Variants in GSK3B observed in about 807,000 individuals in gnomAD.
GSK3B encodes glycogen synthase kinase 3 beta.
In GSK3B, 15 loss-of-function variants were observed where a neutral mutation model predicts 56.4. That is an observed-to-expected ratio of 0.27 (90% confidence interval 0.18 to 0.41). The LOEUF (loss-of-function observed/expected upper bound fraction) is 0.41. Ranked by LOEUF, GSK3B falls within the 10% of genes least tolerant of loss-of-function variation. The pLI is 1.00. For synonymous variants in GSK3B, 181 were observed against 188.9 expected, an observed-to-expected ratio of 0.96 and a Z score of 0.34; for missense variants, 300 against 513.4, an observed-to-expected ratio of 0.58 and a Z score of 4.02.
At chr3:120,075,963 A>C (rs1418421518) in intron 1 of GSK3B, among the ~76,000 whole-genome samples, 1 of 152,172 alleles carries the variant, frequency 6.6e-6, no homozygotes, top group Admixed American at 6.5e-5. Flanking sequence ...ACGCTTCCTG[A>C]GTTAAAATTA....
At chr3:119,942,795 G>T (rs1022765833) in intron 3 of GSK3B, among the ~76,000 whole-genome samples, 1 of 152,188 alleles carries the variant, frequency 6.6e-6, no homozygotes, top group Non-Finnish European at 1.5e-5. Flanking sequence ...AGACTATTCT[G>T]TAAGATACTT....
At chr3:120,090,127 TAC>T (rs907486755) in intron 1 of GSK3B, among the ~76,000 whole-genome samples, 1 of 152,080 alleles carries the variant, frequency 6.6e-6, no homozygotes, top group African/African-American at 2.4e-5. Context: ...TCTAAAATGT[TAC>T]AGTCACAGTT....
intron 2 of GSK3B, among the ~76,000 whole-genome samples, chr3:120,000,918 CTTTTTTTT>C (rs71156781): frequency 4.4e-5 from 4 of 91,050 alleles, no homozygotes; most frequent in African/African-American, 1.7e-4. Context: ...ATGTAATCTC[CTTTTTTTT>C]TTTTTTTTTT....
At chr3:120,075,565 T>A (rs1230969981) in intron 1 of GSK3B, among the ~76,000 whole-genome samples, 1 of 152,082 alleles carries the variant, frequency 6.6e-6, no homozygotes, top group East Asian at 1.9e-4. Flanking sequence ...ACATAAAAAA[T>A]TCATGGCATT....
At chr3:119,979,563 C>G (rs1247630109) in intron 2 of GSK3B, among the ~76,000 whole-genome samples, 1 of 152,224 alleles carries the variant, frequency 6.6e-6, no homozygotes, top group Non-Finnish European at 1.5e-5. Flanking sequence ...AGGCACTGCT[C>G]ATGTTCATGT....
At chr3:119,932,089 A>G (rs1016834584) in intron 3 of GSK3B, among the ~76,000 whole-genome samples, 1 of 152,228 alleles carries the variant, frequency 6.6e-6, no homozygotes, top group Non-Finnish European at 1.5e-5. Flanking sequence ...TTATCTCCAG[A>G]TAACTTCTGA....
intron 2 of GSK3B, among the ~76,000 whole-genome samples, chr3:119,989,871 T>C (rs1330149264): frequency 6.6e-6 from 1 of 152,068 alleles, no homozygotes; most frequent in East Asian, 1.9e-4. Context: ...CATCTACAGA[T>C]GTCATTGCTC....
intron 10 of GSK3B, among the ~76,000 whole-genome samples, chr3:119,829,783 T>C (rs931107451): frequency 3.3e-5 from 5 of 152,314 alleles, no homozygotes; most frequent in African/African-American, 1.2e-4. Context: ...AAATTCACTT[T>C]CTGAACAATA....
chr3:119,932,199 G>A (rs748918326), intron 3 of GSK3B, among the ~76,000 whole-genome samples: 4 of 152,100 alleles, frequency 2.6e-5, no homozygotes, highest in African/African-American at 7.2e-5. Flanking sequence ...AGAGATCCCC[G>A]CAATAAGACA....
At chr3:119,909,540 T>C (rs752562843) in intron 6 of GSK3B, among the ~76,000 whole-genome samples, 2 of 152,242 alleles carry the variant, frequency 1.3e-5, no homozygotes, top group Non-Finnish European at 2.9e-5. Flanking sequence ...TCCTGGCTAG[T>C]GGGCTAAGAT....
intron 4 of GSK3B, among the ~76,000 whole-genome samples, chr3:119,922,863 C>G (rs2056857054): frequency 6.6e-6 from 1 of 152,030 alleles, no homozygotes; most frequent in South Asian, 2.1e-4. Context: ...GCCATGAGTT[C>G]TAGGAAATAA....
intron 1 of GSK3B, among the ~76,000 whole-genome samples, chr3:120,037,815 CT>C (rs1559886381): frequency 6.6e-6 from 1 of 152,032 alleles, no homozygotes; most frequent in African/African-American, 2.4e-5. Context: ...ATTAAACTCC[CT>C]TATGTAAATC....
intron 1 of GSK3B, among the ~76,000 whole-genome samples, chr3:120,067,596 A>C (rs2058291066): frequency 6.6e-6 from 1 of 152,220 alleles, no homozygotes; most frequent in Admixed American, 6.5e-5. Context: ...AAATCAAAAA[A>C]TCATAAGTTG....
chr3:119,907,302 A>C (rs1464899106), intron 6 of GSK3B, among the ~76,000 whole-genome samples: 1 of 152,150 alleles, frequency 6.6e-6, no homozygotes, highest in Non-Finnish European at 1.5e-5. Context: ...CCTTCATAAA[A>C]AACAATAGGA....
intron 7 of GSK3B, among the ~76,000 whole-genome samples, chr3:119,896,317 T>A (rs572932486): frequency 6.6e-6 from 1 of 152,238 alleles, no homozygotes; most frequent in Admixed American, 6.5e-5. Context: ...TACATATTCA[T>A]AGGAGTCAAA....
intron 8 of GSK3B, among the ~76,000 whole-genome samples, chr3:119,867,814 C>T (rs991149731): frequency 6.6e-6 from 1 of 151,738 alleles, no homozygotes; most frequent in Non-Finnish European, 1.5e-5. Flanking sequence ...ATAAATAATC[C>T]GCGGATTACT....
chr3:120,031,905 A>G (rs1450443492), intron 1 of GSK3B, among the ~76,000 whole-genome samples: 1 of 152,172 alleles, frequency 6.6e-6, no homozygotes, highest in Non-Finnish European at 1.5e-5. Context: ...AAAATAACTC[A>G]AGTTCTGTGA....
chr3:119,831,384 G>A (rs142073567), intron 10 of GSK3B, among the ~76,000 whole-genome samples: 10 of 152,082 alleles, frequency 6.6e-5, no homozygotes, highest in Admixed American at 3.3e-4. Context: ...TGGGCCGGGC[G>A]CGGTGGCTCA....
rs878917813 is a variant in GSK3B at position 119,824,726 on chromosome 3, G to C, written c.*2062C>G. 1 of 191,452 alleles carries C rather than the reference G, an allele frequency of 5.2e-6. No individual in the cohort carries two copies. Among genetic ancestry groups the C allele is most frequent in the Non-Finnish European group, 1.1e-5 (1 of 91,538 alleles). 11.9% of individuals were successfully genotyped at this position (191,452 alleles called of 1,614,324 possible). A position where few individuals can be genotyped will look rare whatever the true frequency, so the allele number is the denominator to read the frequency against. On this transcript the variant is annotated 3_prime_UTR_variant, in exon 11 of 11. Coordinates refer to ENST00000264235, the MANE Select transcript of GSK3B (RefSeq NM_001146156.2). ...AATTTGTTTGATTTGGTTTGACTGA[G>C]CATGTTTCCTTTCTCATAAACTCTG...
Sources: allele counts gnomAD v4.1 joint callset (sites outside exome capture counted in the v4.1 genomes callset), GRCh38; gene constraint gnomAD v4.1.1; transcripts MANE v1.5; gene names NCBI Gene and HGNC (gene_info 2026-07-23, HGNC 2026-07-21).